Variants in PTPRD observed in about 807,000 individuals in gnomAD.
The protein encoded by PTPRD is protein tyrosine phosphatase receptor type D, also known as receptor-type tyrosine-protein phosphatase delta.
In PTPRD, 34 loss-of-function variants were observed where a neutral mutation model predicts 214.5. That is an observed-to-expected ratio of 0.16 (90% CI 0.12 to 0.21). The LOEUF (loss-of-function observed/expected upper bound fraction) is 0.21. PTPRD is among the 10% of genes least tolerant of loss of function. PTPRD has a pLI of 1.00. For missense variants in PTPRD, 2,545 were observed against 2,398.7 expected, an observed-to-expected ratio of 1.06 and a Z score of -1.27; for synonymous variants, 1,128 against 845.7, an observed-to-expected ratio of 1.33 and a Z score of -5.79.
At chr9:9,738,480 G>A (rs1254704597) in intron 6 of PTPRD, among the ~76,000 whole-genome samples, 1 of 104,964 alleles carries the variant, frequency 9.5e-6, no homozygotes, top group Non-Finnish European at 1.7e-5. Context: ...GTCTTGCTCT[G>A]TCACCCAGGT....
intron 35 of PTPRD, among the ~76,000 whole-genome samples, chr9:8,424,860 A>T (rs923130900): frequency 6.6e-6 from 1 of 152,184 alleles, no homozygotes; most frequent in East Asian, 1.9e-4. Context: ...GATATATAAT[A>T]AAGTTCTGAT....
chr9:9,805,455 T>C (rs2099067023), intron 5 of PTPRD, among the ~76,000 whole-genome samples: 1 of 152,164 alleles, frequency 6.6e-6, no homozygotes, highest in Admixed American at 6.6e-5. Flanking sequence ...TATTCCTAGA[T>C]CAACTCTGTA....
rs556548274 is a variant in PTPRD, at chr9:8,745,946, T to C, written c.-103-12000A>G. On this transcript the variant is annotated intron_variant, in intron 11 of 45. Transcript: ENST00000381196. ...CAGAGTATCCGGGAATACTGGCAAG[T>C]GCCACCACATTTGGTTTTTCAATTT... 1.4e-4 allele frequency among the ~76,000 whole-genome samples: 21 copies of C among 152,252 alleles called. No individual in the cohort carries two copies. The South Asian group carries it at 1.9e-3, about 14-fold the overall frequency.
chr9:9,016,437 C>T lies in PTPRD; in HGVS notation c.-104+2260G>A, dbSNP rs373672069. 1.4e-4 allele frequency among the ~76,000 whole-genome samples: 22 copies of T among 152,102 alleles called. No homozygotes were observed. In the East Asian group the frequency reaches 2.9e-3, roughly 20 times the overall value. On this transcript the variant is annotated intron_variant, in intron 11 of 45. Transcript: ENST00000381196. ...TATGAGAATCATCCAAAAATGGGGA[C>T]AAACAGATATTCCTTAGATGATTGA... is the stretch of plus-strand genomic sequence containing the variant.
Position 8,956,526 on chromosome 9 carries a change from TTAG to T in PTPRD, c.-104+62168_-104+62170del, listed in dbSNP as rs2099132571. 2.0e-5 allele frequency among the ~76,000 whole-genome samples: 3 copies of T among 151,744 alleles called. No individual in the cohort carries two copies. In the South Asian group the frequency reaches 6.2e-4, roughly 31 times the overall value. ...TTGAGTGAGAAAATGTTCTGTAAGT[TTAG>T]AATACAGACGTGACTAGTGGGCTAT... On this transcript the variant is annotated intron_variant, in intron 11 of 45. Transcript: ENST00000381196.
At chr9:9,399,476 G>A (rs1463336471) in intron 8 of PTPRD, among the ~76,000 whole-genome samples, 2 of 152,018 alleles carry the variant, frequency 1.3e-5, no homozygotes, top group African/African-American at 4.8e-5. Context: ...TTTAAAATGT[G>A]CTGGTAAGTC....
intron 10 of PTPRD, among the ~76,000 whole-genome samples, chr9:9,024,042 A>G (rs1463013064): frequency 6.6e-6 from 1 of 151,896 alleles, no homozygotes; most frequent in African/African-American, 2.4e-5. Flanking sequence ...TTTACAAAAT[A>G]CATTGAAGAA....
At chr9:9,079,297 G>T (rs1246300121) in intron 10 of PTPRD, among the ~76,000 whole-genome samples, 1 of 151,886 alleles carries the variant, frequency 6.6e-6, no homozygotes, top group Admixed American at 6.6e-5. Context: ...ATGGGTGAGA[G>T]CACACAGCAT....
chr9:10,251,036 G>T (rs1248499118), intron 3 of PTPRD, among the ~76,000 whole-genome samples: 1 of 151,916 alleles, frequency 6.6e-6, no homozygotes, highest in African/African-American at 2.4e-5. Flanking sequence ...CCAACTAATT[G>T]AATTAGAGGG....
chr9:8,527,346 A>G lies in PTPRD; in HGVS notation c.549T>C (p.Ile183=), dbSNP rs1367060470. The part of the protein sequence containing the change: ...GRIKQLRSES[I]GGTPIRGALQ... ...TGCGCTTCAGAACTAAGCACTTACC[A>G]ATAGATTCTGGAGATTTAAATACGG... is the stretch of plus-strand genomic sequence containing the variant. Residue 183 remains isoleucine, a splice_region_variant and synonymous_variant, in exon 16 of 46, where the codon ATT becomes ATC. Transcript: ENST00000381196. 6.2e-7 allele frequency: 1 copy of G among 1,607,242 alleles called. No homozygotes were observed. The highest frequency in any genetic ancestry group is 8.5e-7 in the Non-Finnish European group (1 of 1,176,766).
chr9:10,370,932 C>T (rs986743677), intron 2 of PTPRD, among the ~76,000 whole-genome samples: 1 of 151,884 alleles, frequency 6.6e-6, no homozygotes, highest in Non-Finnish European at 1.5e-5. Flanking sequence ...TGATCTTTGC[C>T]TGAAGTATTT....
At chr9:10,105,338 G>T (rs1387637610) in intron 3 of PTPRD, among the ~76,000 whole-genome samples, 1 of 151,628 alleles carries the variant, frequency 6.6e-6, no homozygotes, top group East Asian at 1.9e-4. Context: ...TTCCTTTTAT[G>T]GTACTGTTTT....
intron 14 of PTPRD, among the ~76,000 whole-genome samples, chr9:8,606,575 C>G (rs2095225995): frequency 6.6e-6 from 1 of 152,068 alleles, no homozygotes; most frequent in Non-Finnish European, 1.5e-5. Flanking sequence ...GGAAACCAAC[C>G]CCAGATGCTA....
chr9:9,067,714 T>C (rs1323317865), intron 10 of PTPRD, among the ~76,000 whole-genome samples: 1 of 152,214 alleles, frequency 6.6e-6, no homozygotes, highest in Non-Finnish European at 1.5e-5. Flanking sequence ...ATAGGCTTTA[T>C]CCAGTTTCTC....
intron 10 of PTPRD, among the ~76,000 whole-genome samples, chr9:9,158,235 T>C (rs1434037476): frequency 6.6e-6 from 1 of 152,174 alleles, no homozygotes; most frequent in Non-Finnish European, 1.5e-5. Context: ...TATATACCTG[T>C]AGTGGGATTG....
Position 9,950,520 on chromosome 9 carries a change from C to A in PTPRD, c.-471-11910G>T, listed in dbSNP as rs1322480004. ...CGGGCGGATCACGAGGTCAGGAGAT[C>A]GAGACCATCCTGGCTAACACGGTGA... is the stretch of plus-strand genomic sequence containing the variant. On this transcript the variant is annotated intron_variant, in intron 4 of 45. Transcript: ENST00000381196. Among the ~76,000 whole-genome samples, 2 of 90,456 alleles carry A rather than the reference C, an allele frequency of 2.2e-5. 1 individual carries two copies. The highest frequency in any genetic ancestry group is 7.0e-4 in the South Asian group (2 of 2,872). 59.3% of individuals were successfully genotyped at this position (90,456 alleles called of 152,430 possible).
chr9:9,961,842 CAT>C (rs1307532642), intron 4 of PTPRD, among the ~76,000 whole-genome samples: 2 of 152,100 alleles, frequency 1.3e-5, no homozygotes, highest in African/African-American at 4.8e-5. Context: ...GTTATTGTCA[CAT>C]ATGTCTCTTA....
chr9:9,217,352 A>G (rs2099952988), intron 9 of PTPRD, among the ~76,000 whole-genome samples: 1 of 152,204 alleles, frequency 6.6e-6, no homozygotes, highest in Non-Finnish European at 1.5e-5. Flanking sequence ...TGGGCTACAA[A>G]TACATAAAAT....
chr9:9,352,674 G>A (rs924477949), intron 9 of PTPRD, among the ~76,000 whole-genome samples: 1 of 151,846 alleles, frequency 6.6e-6, no homozygotes, highest in Admixed American at 6.6e-5. Flanking sequence ...ATGTAGAAAC[G>A]TGTAAGCATG....
Sources: allele counts gnomAD v4.1 joint callset (sites outside exome capture counted in the v4.1 genomes callset), GRCh38; gene constraint gnomAD v4.1.1; transcripts MANE v1.5; gene names NCBI Gene and HGNC (gene_info 2026-07-23, HGNC 2026-07-21).